Variants in PTCD1 observed in about 807,000 individuals in gnomAD.
PTCD1 encodes the protein pentatricopeptide repeat-containing protein 1, mitochondrial.
A neutral mutation model predicts 53.4 loss-of-function variants in PTCD1; 50 were observed. The observed-to-expected ratio is 0.94, with a 90% CI of 0.75 to 1.19. The LOEUF is 1.19. Ranked by LOEUF, PTCD1 falls within the 50% of genes most tolerant of loss-of-function variation. The pLI is 0.00. For synonymous variants in PTCD1, 413 were observed against 394.8 expected (o/e 1.05, Z -0.55); for missense variants, 918 against 904.8 (o/e 1.01, Z -0.19).
At position 99,419,643 on chromosome 7, in the gene PTCD1, CG is replaced by C. The variant is rs1158176378; in HGVS notation, c.*323del. On this transcript the variant is annotated 3_prime_UTR_variant, in exon 8 of 8. Coordinates refer to ENST00000292478, the MANE Select transcript of PTCD1 (RefSeq NM_015545.4). The stretch of plus-strand genomic sequence containing the variant: ...CCCCACGTCTCTTCTTTCAGAGCAT[CG>C]GCCTATGGAACCCGGCGGGGCGGCC... The C allele has an allele frequency of 1.3e-6, 1 of 766,726 alleles. No homozygotes were observed. The highest frequency in any genetic ancestry group is 2.1e-6 in the Non-Finnish European group (1 of 486,454). The allele number at this position is 766,726 out of a possible 1,614,324, so 47.5% of individuals were successfully genotyped here. A position where few individuals can be genotyped will look rare whatever the true frequency, so the allele number is the denominator to read the frequency against.
At chr7:99,434,590 T>G (rs925954854) in intron 2 of PTCD1, among the ~76,000 whole-genome samples, 200 bp downstream of exon 2, 2 of 145,876 alleles carry the variant, frequency 1.4e-5, no homozygotes, top group Non-Finnish European at 3.0e-5. Context: ...AACCTCCGTC[T>G]CTACAAAAAA....
At chr7:99,435,300 A>G (rs1189158713) in intron 1 of PTCD1, 32 bp from the exon 2 acceptor site, 11 of 1,598,380 alleles carry the variant, frequency 6.9e-6, no homozygotes, top group Non-Finnish European at 9.3e-6. Context: ...AAGAGAGTCA[A>G]CTCAGTTCCT....
At position 99,428,395 on chromosome 7, in the gene PTCD1, T is replaced by G. The variant is rs572391365; in HGVS notation, c.915+708A>C. On this transcript the variant is annotated intron_variant, in intron 5 of 7. Coordinates refer to ENST00000292478, the MANE Select transcript of PTCD1 (RefSeq NM_015545.4). ...TCCAGCCTGGGCGACAGAGCAAGACTCCATCTCAAAAAAAAAAAAAAAAAA... is the reference window on the plus strand; with the variant it reads ...TCCAGCCTGGGCGACAGAGCAAGACGCCATCTCAAAAAAAAAAAAAAAAAA... Among the ~76,000 whole-genome samples, 634 of 109,862 alleles carry G rather than the reference T, an allele frequency of 5.8e-3. 7 individuals carry two copies. Among genetic ancestry groups the G allele is most frequent in the African/African-American group, 0.022 (583 of 27,010 alleles). 72.1% of individuals were successfully genotyped at this position (109,862 alleles called of 152,430 possible).
chr7:99,419,559 G>T lies in PTCD1; in HGVS notation c.*408C>A, dbSNP rs943205483. The T allele has an allele frequency of 3.6e-5, 43 of 1,179,820 alleles. No homozygotes were observed. The highest frequency in any genetic ancestry group is 3.5e-4 in the Admixed American group (19 of 53,868). 73.1% of individuals were successfully genotyped at this position (1,179,820 alleles called of 1,614,324 possible). A position where few individuals can be genotyped will look rare whatever the true frequency, so the allele number is the denominator to read the frequency against. ...CGAGTTGGAGCACGGTCTCTATGGG[G>T]AAGGCTTCGCTGTCTATCAGCTGTG... is the stretch of plus-strand genomic sequence containing the variant. On this transcript the variant is annotated 3_prime_UTR_variant, in exon 8 of 8. Coordinates refer to ENST00000292478, the MANE Select transcript of PTCD1 (RefSeq NM_015545.4).
In PTCD1 at chr7:99,429,636, C is replaced by CT. The variant is rs1408683808; in HGVS notation, c.764dup (p.Met256AspfsTer9). 1 of 1,614,122 alleles carries CT rather than the reference C, an allele frequency of 6.2e-7. No individual in the cohort carries two copies. Among genetic ancestry groups the CT allele is most frequent in the East Asian group, 2.2e-5 (1 of 44,898 alleles). ...TAAGGTCTGCGCACTTGGCAGCCAT[C>CT]TTCAGCAGCGCGTGGTATGTTTTCA... On this transcript the variant is annotated frameshift_variant, in exon 4 of 8. Transcript: ENST00000292478. LOFTEE classifies it high-confidence loss of function.
chr7:99,426,559 G>A (rs567600212), intron 5 of PTCD1, among the ~76,000 whole-genome samples: 2 of 152,172 alleles, frequency 1.3e-5, no homozygotes, highest in African/African-American at 2.4e-5. Context: ...CCTCCCAGCC[G>A]CCTGCCTTGG....
chr7:99,434,467 G>C (rs1796382059), intron 2 of PTCD1, among the ~76,000 whole-genome samples: 1 of 151,788 alleles, frequency 6.6e-6, no homozygotes, highest in Non-Finnish European at 1.5e-5. Context: ...CCTAAAGCAG[G>C]GAGTGCTAGA....
chr7:99,429,467 A>G, intron 4 of PTCD1, 121 bp downstream of exon 4: 1 of 1,456,064 alleles, frequency 6.9e-7, no homozygotes, highest in Non-Finnish European at 9.5e-7. Flanking sequence ...CCAGGGCCCA[A>G]TACCGGCTGT....
intron 7 of PTCD1, among the ~76,000 whole-genome samples, chr7:99,420,407 C>T (rs1308911207): frequency 6.6e-6 from 1 of 152,230 alleles, no homozygotes; most frequent in East Asian, 1.9e-4. Context: ...CACCACTGTG[C>T]TCCTCCATCC....
intron 3 of PTCD1, among the ~76,000 whole-genome samples, chr7:99,430,537 G>GGA (rs1796214904): frequency 6.6e-6 from 1 of 152,228 alleles, no homozygotes; most frequent in Non-Finnish European, 1.5e-5. Flanking sequence ...GCATTCAAGT[G>GGA]GGGTGGCCTT....
At chr7:99,436,309 A>AT (rs1446959222) in intron 1 of PTCD1, among the ~76,000 whole-genome samples, 1 of 152,082 alleles carries the variant, frequency 6.6e-6, no homozygotes, top group East Asian at 1.9e-4. Flanking sequence ...GTGATGGCAG[A>AT]TTGAACAGAT....
intron 6 of PTCD1, among the ~76,000 whole-genome samples, chr7:99,424,447 C>T (rs1795938647): frequency 1.3e-5 from 2 of 152,218 alleles, no homozygotes; most frequent in Admixed American, 6.5e-5. Context: ...GCACAGACCT[C>T]GGGGGCTTTG....
chr7:99,438,518 G>A (rs1315891044), intron 1 of PTCD1, 174 bp downstream of exon 1: 1 of 1,119,064 alleles, frequency 8.9e-7, no homozygotes, highest in Non-Finnish European at 1.1e-6. Context: ...CCCCTCCTCA[G>A]AGGCCCACCC....
chr7:99,434,925 T>C lies in PTCD1; in HGVS notation c.318A>G (p.Ala106=). ...YSSRRLFRKS[A]AQFHNLRFGE... is the part of the protein sequence containing the mutation. ...CAAACCGCAGGTTATGGAACTGGGC[T>C]GCGGATTTGCGGAATAGTCTCCGGG... The change falls in exon 2 of 8, where the codon GCA becomes GCG. Residue 106 remains alanine, a synonymous_variant. Coordinates refer to ENST00000292478, the MANE Select transcript of PTCD1 (RefSeq NM_015545.4). 6.2e-7 allele frequency: 1 copy of C among 1,614,250 alleles called. No individual in the cohort carries two copies. Among genetic ancestry groups the C allele is most frequent in the Non-Finnish European group, 8.5e-7 (1 of 1,180,054 alleles).
rs1310889864 is a variant in PTCD1 at position 99,417,405 on chromosome 7, GCT to G, written c.*2560_*2561del. ...GAAGGTTTTTAGACCATGGCCTGAT[GCT>G]CTTTCCCCATCTTTTTGACAGAACT... On this transcript the variant is annotated 3_prime_UTR_variant, in exon 8 of 8. Transcript: ENST00000292478. 1.2e-6 allele frequency: 2 copies of G among 1,611,198 alleles called. No homozygotes were observed. The highest frequency in any genetic ancestry group is 1.7e-6 in the Non-Finnish European group (2 of 1,177,678).
chr7:99,426,558 C>T (rs549474154), intron 5 of PTCD1, among the ~76,000 whole-genome samples: 17 of 152,324 alleles, frequency 1.1e-4, no homozygotes, highest in Non-Finnish European at 1.9e-4. Flanking sequence ...ACCTCCCAGC[C>T]GCCTGCCTTG....
intron 6 of PTCD1, among the ~76,000 whole-genome samples, chr7:99,424,220 C>T (rs950609638): frequency 4.5e-4 from 68 of 152,212 alleles, no homozygotes; most frequent in African/African-American, 1.6e-3. Context: ...ATGTGGGAGA[C>T]ACCACCTCCT....
Position 99,419,534 on chromosome 7 carries a change from C to G in PTCD1, c.*433G>C. 1 of 1,427,636 alleles carries G rather than the reference C, an allele frequency of 7.0e-7. No individual in the cohort carries two copies. Among genetic ancestry groups the G allele is most frequent in the Non-Finnish European group, 9.8e-7 (1 of 1,023,384 alleles). The allele number at this position is 1,427,636 out of a possible 1,614,324, so 88.4% of individuals were successfully genotyped here. On this transcript the variant is annotated 3_prime_UTR_variant, in exon 8 of 8. Transcript: ENST00000292478. ...GGAGCAGCGAGCAGTGCCCCAGGCC[C>G]GAGTTGGAGCACGGTCTCTATGGGG...
In PTCD1 at chr7:99,424,874, G is replaced by A. The variant is rs777257566; in HGVS notation, c.1658C>T (p.Pro553Leu). 2.5e-6 allele frequency: 4 copies of A among 1,614,244 alleles called. No homozygotes were observed. The highest frequency in any genetic ancestry group is 3.4e-6 in the Non-Finnish European group (4 of 1,180,046). ...LPVLAKRGLV[P>L]NLQTFCNLAI... ...CAGGTTGCAGAATGTCTGCAGGTTG[G>A]GGACGAGGCCCCTCTTTGCCAGGAC... The change falls in exon 6 of 8, where the codon CCC (proline) becomes CTC (leucine). Residue 553 changes from proline (P) to leucine (L), a missense_variant. Pro to Leu is a moderately conservative substitution (Grantham distance 98, BLOSUM62 -3). Coordinates refer to ENST00000292478, the MANE Select transcript of PTCD1 (RefSeq NM_015545.4).
Sources: allele counts gnomAD v4.1 joint callset (sites outside exome capture counted in the v4.1 genomes callset), GRCh38; gene constraint gnomAD v4.1.1; transcripts MANE v1.5; gene names NCBI Gene and HGNC (gene_info 2026-07-23, HGNC 2026-07-21).